Variants in CADPS2 observed in about 807,000 individuals in gnomAD.
CADPS2 encodes the protein calcium-dependent secretion activator 2.
A neutral mutation model predicts 172.5 loss-of-function variants in CADPS2; 93 were observed. The observed-to-expected ratio is 0.54, with a 90% confidence interval of 0.46 to 0.64. The LOEUF (loss-of-function observed/expected upper bound fraction) is 0.64, where lower values mean the gene tolerates loss of function less well. CADPS2 is among the 30% of genes least tolerant of loss of function. CADPS2 has a pLI of 0.00. For synonymous variants in CADPS2, 546 were observed against 555.2 expected (o/e 0.98, Z 0.23); for missense variants, 1,420 against 1,565.9 (o/e 0.91, Z 1.57).
chr7:122,750,695 C>G (rs994623607), intron 1 of CADPS2, among the ~76,000 whole-genome samples: 4 of 152,054 alleles, frequency 2.6e-5, no homozygotes, highest in African/African-American at 9.7e-5. Context: ...GAAAGAAGAA[C>G]AAGTGAACAA....
intron 9 of CADPS2, 21 bp from the exon 10 acceptor site, chr7:122,491,441 T>C (rs1255537228): frequency 1.1e-5 from 15 of 1,413,938 alleles, no homozygotes; most frequent in Non-Finnish European, 1.4e-5. Context: ...AAAAAAAAGT[T>C]TACAGATTAG....
At chr7:122,501,278 T>C (rs2059177959) in intron 9 of CADPS2, among the ~76,000 whole-genome samples, 1 of 151,872 alleles carries the variant, frequency 6.6e-6, no homozygotes, top group Admixed American at 6.6e-5. Flanking sequence ...AAAAACATTA[T>C]TACATATGAT....
At chr7:122,364,413 TAAA>T (rs916412439) in intron 25 of CADPS2, among the ~76,000 whole-genome samples, 14 of 77,896 alleles carry the variant, frequency 1.8e-4, no homozygotes, top group East Asian at 3.6e-4. Context: ...TGTCTCAAGT[TAAA>T]AAAAAAAAAA....
At chr7:122,807,787 A>ATTGGGGGG (rs1799115095) in intron 1 of CADPS2, among the ~76,000 whole-genome samples, 1 of 151,724 alleles carries the variant, frequency 6.6e-6, no homozygotes, top group Non-Finnish European at 1.5e-5. Flanking sequence ...GCATTGGGGG[A>ATTGGGGGG]AGGTGGTCTG....
chr7:122,344,931 A>C (rs2037335254), intron 28 of CADPS2, among the ~76,000 whole-genome samples: 1 of 152,158 alleles, frequency 6.6e-6, no homozygotes, highest in Non-Finnish European at 1.5e-5. Flanking sequence ...AGGAATTGGA[A>C]ATGGGGAATA....
chr7:122,824,828 T>C (rs1294536564), intron 1 of CADPS2, among the ~76,000 whole-genome samples: 1 of 152,210 alleles, frequency 6.6e-6, no homozygotes, highest in African/African-American at 2.4e-5. Context: ...TACCCGGAAT[T>C]TGGAATTTGT....
In CADPS2 at chr7:122,416,168, T is replaced by C. The variant is rs1585803994; in HGVS notation, c.2477-4A>G. 6.6e-7 allele frequency: 1 copy of C among 1,504,526 alleles called. No individual in the cohort carries two copies. The highest frequency in any genetic ancestry group is 9.0e-7 in the Non-Finnish European group (1 of 1,111,234). 93.2% of individuals were successfully genotyped at this position (1,504,526 alleles called of 1,614,324 possible). A position where few individuals can be genotyped will look rare whatever the true frequency, so the allele number is the denominator to read the frequency against. ...GGAGATGCCTGGTTCATGGTCTCTA[T>C]ATGAAAAAAAATCATAATCATGTTA... On this transcript the variant is annotated splice_polypyrimidine_tract_variant and splice_region_variant and intron_variant, in intron 17 of 29. Transcript: ENST00000449022.
At chr7:122,373,167 G>C (rs981373215) in intron 25 of CADPS2, among the ~76,000 whole-genome samples, 2 of 151,962 alleles carry the variant, frequency 1.3e-5, no homozygotes, top group African/African-American at 4.8e-5. Flanking sequence ...TGAACAAACT[G>C]TCTTATAGGC....
intron 8 of CADPS2, among the ~76,000 whole-genome samples, chr7:122,518,230 ATAGT>A (rs1471235162): frequency 1.3e-5 from 2 of 152,052 alleles, no homozygotes; most frequent in Non-Finnish European, 2.9e-5. Flanking sequence ...TTGACCTCAA[ATAGT>A]TAGAAAATAT....
chr7:122,588,511 C>T (rs545082296), intron 6 of CADPS2, among the ~76,000 whole-genome samples: 2 of 151,714 alleles, frequency 1.3e-5, no homozygotes, highest in South Asian at 2.1e-4. Context: ...TAAAACAATC[C>T]AACTCTAGTT....
intron 29 of CADPS2, among the ~76,000 whole-genome samples, chr7:122,320,982 C>T (rs2032331756): frequency 6.6e-6 from 1 of 152,064 alleles, no homozygotes; most frequent in African/African-American, 2.4e-5. Context: ...GACAGCAAAA[C>T]AAGTATTTAC....
chr7:122,625,948 C>T (rs1389795496), intron 4 of CADPS2, among the ~76,000 whole-genome samples: 1 of 152,128 alleles, frequency 6.6e-6, no homozygotes, highest in Non-Finnish European at 1.5e-5. Context: ...AACCTGACTA[C>T]AGCAGGGAGA....
chr7:122,493,720 CT>C (rs10544810), intron 9 of CADPS2, among the ~76,000 whole-genome samples: 3,542 of 131,564 alleles, frequency 0.027, 30 homozygotes, highest in Middle Eastern at 0.066. Context: ...TATGTTTAAT[CT>C]TTTTTTTTTT....
intron 27 of CADPS2, among the ~76,000 whole-genome samples, chr7:122,354,966 T>G (rs2039181074): frequency 6.6e-6 from 1 of 152,192 alleles, no homozygotes; most frequent in African/African-American, 2.4e-5. Context: ...TACCAACTTC[T>G]TTGTGAAGAG....
chr7:122,622,527 G>A lies in CADPS2; in HGVS notation c.868-810C>T, dbSNP rs138838771. On this transcript the variant is annotated intron_variant, in intron 4 of 29. Coordinates refer to ENST00000449022, the MANE Select transcript of CADPS2 (RefSeq NM_017954.11). ...CAAATATTGATATTTAGATGGTGCC[G>A]AATCATTCTTAGAGAAGATTATAAT... Among the ~76,000 whole-genome samples the A allele has an allele frequency of 9.9e-5, 15 of 152,246 alleles. No homozygotes were observed. The South Asian group carries it at 1.5e-3, about 15-fold the overall frequency.
intron 3 of CADPS2, among the ~76,000 whole-genome samples, chr7:122,652,823 T>C (rs2079314379): frequency 6.6e-6 from 1 of 152,222 alleles, no homozygotes; most frequent in Non-Finnish European, 1.5e-5. Context: ...TTTTATGTTT[T>C]CTTGATAACA....
chr7:122,338,624 A>G (rs1397947577), intron 28 of CADPS2, among the ~76,000 whole-genome samples: 1 of 152,210 alleles, frequency 6.6e-6, no homozygotes, highest in Non-Finnish European at 1.5e-5. Flanking sequence ...TAAAAATAAG[A>G]CCAAAGTGAA....
intron 20 of CADPS2, among the ~76,000 whole-genome samples, chr7:122,397,789 A>G (rs989298759): frequency 6.6e-6 from 1 of 152,150 alleles, no homozygotes; most frequent in Non-Finnish European, 1.5e-5. Flanking sequence ...CCATTACAAC[A>G]GTTCATTGTA....
intron 7 of CADPS2, among the ~76,000 whole-genome samples, chr7:122,577,709 T>C (rs747251124): frequency 5.3e-5 from 8 of 152,172 alleles, no homozygotes; most frequent in Non-Finnish European, 1.2e-4. Flanking sequence ...AGTAAGTCTA[T>C]GTTTAACTTT....
Sources: allele counts gnomAD v4.1 joint callset (sites outside exome capture counted in the v4.1 genomes callset), GRCh38; gene constraint gnomAD v4.1.1; transcripts MANE v1.5; gene names NCBI Gene and HGNC (gene_info 2026-07-23, HGNC 2026-07-21).